CLEC9A: variants seen among roughly 807,000 people sequenced by gnomAD.
CLEC9A encodes C-type lectin domain family 9 member A.
CLEC9A carries 24 observed loss-of-function variants against 30.0 expected under a neutral mutation model. That is an observed-to-expected ratio of 0.80 (90% CI 0.58 to 1.13). The LOEUF (loss-of-function observed/expected upper bound fraction) is 1.13, where lower values mean the gene tolerates loss of function less well. CLEC9A is among the 50% of genes most tolerant of loss of function. The pLI is 0.00. For synonymous variants in CLEC9A, 111 were observed against 96.8 expected, an observed-to-expected ratio of 1.15 and a Z score of -0.86; for missense variants, 251 against 280.9, an observed-to-expected ratio of 0.89 and a Z score of 0.76.
chr12:10,062,166 A>C lies in CLEC9A; in HGVS notation c.320-889A>C, dbSNP rs550366662. Among the ~76,000 whole-genome samples, 94 of 152,236 alleles carry C rather than the reference A, an allele frequency of 6.2e-4. 1 individual carries two copies. The highest frequency in any genetic ancestry group is 8.8e-4 in the Non-Finnish European group (60 of 68,044). ...CCATTGTCTACACTATTTATACTAT[A>C]GCAATGTTCAGGATATTGGTTGGCA... is the stretch of plus-strand genomic sequence containing the variant. On this transcript the variant is annotated intron_variant, in intron 6 of 8. Transcript: ENST00000355819.
At chr12:10,046,651 T>C (rs1865849053) in intron 2 of CLEC9A, among the ~76,000 whole-genome samples, 1 of 152,202 alleles carries the variant, frequency 6.6e-6, no homozygotes. Flanking sequence ...GTGAATACAA[T>C]TTATAAACAT....
At position 10,041,533 on chromosome 12, in the gene CLEC9A, C is replaced by T. The variant is rs1018840665; in HGVS notation, c.-250C>T. The T allele has an allele frequency of 1.0e-5, 5 of 501,678 alleles. No homozygotes were observed. The highest frequency in any genetic ancestry group is 3.4e-4 in the Middle Eastern group (1 of 2,978). 31.1% of individuals were successfully genotyped at this position (501,678 alleles called of 1,614,324 possible). A position where few individuals can be genotyped will look rare whatever the true frequency, so the allele number is the denominator to read the frequency against. On this transcript the variant is annotated 5_prime_UTR_variant, in exon 2 of 9. Transcript: ENST00000355819. ...ATGGAGATAGCTGCTATGGGTTCTT[C>T]AAACACAACTTGACATGGAAAGAGA... is the stretch of plus-strand genomic sequence containing the variant.
chr12:10,056,442 C>T (rs551204580), intron 5 of CLEC9A, among the ~76,000 whole-genome samples: 45 of 152,216 alleles, frequency 3.0e-4, no homozygotes, highest in African/African-American at 9.9e-4. Context: ...GCATTTAAAA[C>T]CTGGCTGATG....
At chr12:10,039,223 A>C (rs1032894338) in intron 1 of CLEC9A, among the ~76,000 whole-genome samples, 1 of 152,010 alleles carries the variant, frequency 6.6e-6, no homozygotes, top group African/African-American at 2.4e-5. Flanking sequence ...ATTTGGTGTA[A>C]GTGTTGACTC....
intron 2 of CLEC9A, among the ~76,000 whole-genome samples, chr12:10,043,670 GTA>G (rs60284724): frequency 0.53 from 77,299 of 145,850 alleles, 22,420 homozygotes; most frequent in Middle Eastern, 0.73. Context: ...GCATATATAT[GTA>G]TATATATATA....
intron 1 of CLEC9A, among the ~76,000 whole-genome samples, chr12:10,037,712 A>T (rs562571779): frequency 2.0e-5 from 3 of 152,354 alleles, no homozygotes; most frequent in African/African-American, 7.2e-5. Flanking sequence ...CATCGTTATA[A>T]CAAAACAATC....
intron 2 of CLEC9A, chr12:10,045,520 A>ATTG (rs1238457082): frequency 1.2e-5 from 3 of 254,826 alleles, no homozygotes; most frequent in Admixed American, 7.7e-5. Context: ...GGAAATATGA[A>ATTG]TTGTGCCTAT....
rs528241085 is a variant in CLEC9A, at chr12:10,062,980, A to G, written c.320-75A>G. 3 of 1,350,998 alleles carry G rather than the reference A, an allele frequency of 2.2e-6. No individual in the cohort carries two copies. The South Asian group carries it at 4.6e-5, about 21-fold the overall frequency. 83.7% of individuals were successfully genotyped at this position (1,350,998 alleles called of 1,614,324 possible). A position where few individuals can be genotyped will look rare whatever the true frequency, so the allele number is the denominator to read the frequency against. On this transcript the variant is annotated intron_variant, in intron 6 of 8. Transcript: ENST00000355819. ...GATTCAGCCTCACTGAGGGTGAGGC[A>G]AGGGGCTTTTTGGAGGGATATATGT...
chr12:10,051,728 A>C (rs1408341781), intron 2 of CLEC9A, among the ~76,000 whole-genome samples: 1 of 152,242 alleles, frequency 6.6e-6, no homozygotes, highest in Non-Finnish European at 1.5e-5. Flanking sequence ...TAAGTGGTCA[A>C]ATGATGAATG....
chr12:10,045,143 C>T (rs779805365), intron 2 of CLEC9A, among the ~76,000 whole-genome samples: 2 of 152,190 alleles, frequency 1.3e-5, no homozygotes, highest in Non-Finnish European at 2.9e-5. Flanking sequence ...TCCTGTTCAT[C>T]TAAATCCTGC....
At chr12:10,053,013 A>C (rs145441190) in intron 4 of CLEC9A, among the ~76,000 whole-genome samples, 1,697 of 152,330 alleles carry the variant, frequency 0.011, 25 homozygotes, top group Non-Finnish European at 0.016. Context: ...TCTAGAAAAG[A>C]AAAGCAATAC....
At chr12:10,033,410 AC>A (rs1383423116) in intron 1 of CLEC9A, among the ~76,000 whole-genome samples, 1 of 152,170 alleles carries the variant, frequency 6.6e-6, no homozygotes, top group Non-Finnish European at 1.5e-5. Context: ...ATATTTCCAT[AC>A]CATTGCTTGA....
chr12:10,031,569 C>T lies in CLEC9A; in HGVS notation c.-318+597C>T, dbSNP rs148673783. 8.2e-3 allele frequency among the ~76,000 whole-genome samples: 1,252 copies of T among 152,254 alleles called. 13 individuals are homozygous for T. The highest frequency in any genetic ancestry group is 0.029 in the African/African-American group (1,199 of 41,554). On this transcript the variant is annotated intron_variant, in intron 1 of 8. Coordinates refer to ENST00000355819, the MANE Select transcript of CLEC9A (RefSeq NM_207345.4). ...TCTTCGATATTGTGTCCAGTGCCCC[C>T]CACCATTTTGGGAAGAAATTGGCTT...
chr12:10,065,686 G>C lies in CLEC9A; in HGVS notation c.*54G>C. The C allele has an allele frequency of 6.3e-7, 1 of 1,584,560 alleles. No individual in the cohort carries two copies. The highest frequency in any genetic ancestry group is 8.6e-7 in the Non-Finnish European group (1 of 1,164,076). ...CACTGTTATTTGGAGCATGCCATTG[G>C]AAAACCCACCCCCACCCCCCCTCAA... On this transcript the variant is annotated 3_prime_UTR_variant, in exon 9 of 9. Coordinates refer to ENST00000355819, the MANE Select transcript of CLEC9A (RefSeq NM_207345.4).
intron 3 of CLEC9A, 27 bp downstream of exon 3, chr12:10,052,121 A>G (rs538820888): frequency 6.6e-6 from 1 of 152,406 alleles, no homozygotes; most frequent in African/African-American, 2.4e-5. Flanking sequence ...TATTGTGTTA[A>G]GTACTGATAT....
intron 1 of CLEC9A, among the ~76,000 whole-genome samples, chr12:10,039,791 T>C (rs1865775256): frequency 6.6e-6 from 1 of 152,222 alleles, no homozygotes; most frequent in African/African-American, 2.4e-5. Flanking sequence ...TTCTTCGTTA[T>C]TTACCTAATT....
In CLEC9A at chr12:10,062,932, T is replaced by A. The variant is rs191019526; in HGVS notation, c.320-123T>A. On this transcript the variant is annotated intron_variant, in intron 6 of 8. Coordinates refer to ENST00000355819, the MANE Select transcript of CLEC9A (RefSeq NM_207345.4). ...GAAGCTGAAATTGGTAAGTGCTACA[T>A]CATGTGGACCATTACGTTATGAGAT... 2.4e-4 allele frequency: 174 copies of A among 711,046 alleles called. 1 individual carries two copies. In the African/African-American group the frequency reaches 2.8e-3, roughly 11 times the overall value. 44.0% of individuals were successfully genotyped at this position (711,046 alleles called of 1,614,324 possible). A position where few individuals can be genotyped will look rare whatever the true frequency, so the allele number is the denominator to read the frequency against.
intron 1 of CLEC9A, among the ~76,000 whole-genome samples, chr12:10,035,211 T>C (rs1445809500): frequency 6.6e-6 from 1 of 152,200 alleles, no homozygotes; most frequent in Non-Finnish European, 1.5e-5. Flanking sequence ...TGTGTCTGCC[T>C]GCTAGGGTCT....
chr12:10,049,596 G>T (rs951225703), intron 2 of CLEC9A, among the ~76,000 whole-genome samples: 5 of 152,096 alleles, frequency 3.3e-5, no homozygotes, highest in Admixed American at 2.0e-4. Context: ...GTTAGAGATG[G>T]GTTCTTTCCT....
Sources: allele counts gnomAD v4.1 joint callset (sites outside exome capture counted in the v4.1 genomes callset), GRCh38; gene constraint gnomAD v4.1.1; transcripts MANE v1.5; gene names NCBI Gene and HGNC (gene_info 2026-07-23, HGNC 2026-07-21).